The following SH3BGRL2 variants were observed in gnomAD, a reference collection of about 807,000 sequenced individuals.
SH3BGRL2 encodes SH3 domain binding glutamate rich protein like 2.
In SH3BGRL2, 21 loss-of-function variants were observed where a neutral mutation model predicts 14.8. The ratio of observed to expected loss-of-function variants is 1.42; its 90% confidence interval spans 1.01 to 2.05. The LOEUF (loss-of-function observed/expected upper bound fraction) is 2.05. SH3BGRL2 is among the 30% of genes most tolerant of loss of function. The probability of loss-of-function intolerance (pLI) is 0.00; values close to 1 mark genes in which losing one functional copy is unlikely to be tolerated. For missense variants in SH3BGRL2, 147 were observed against 130.8 expected (o/e 1.12, Z -0.61); for synonymous variants, 50 against 47.8 (o/e 1.05, Z -0.19).
In SH3BGRL2 at chr6:79,700,567, G is replaced by A. The variant is rs141433362; in HGVS notation, c.*1058G>A. Reference sequence around the variant, plus strand: ...CTAATTTTGCTTGCTCATATTTCTGGCCAATGTACAGCCTCATATTTTTCA... The same window carrying A: ...CTAATTTTGCTTGCTCATATTTCTGACCAATGTACAGCCTCATATTTTTCA... On this transcript the variant is annotated 3_prime_UTR_variant, in exon 4 of 4. Coordinates refer to ENST00000369838, the MANE Select transcript of SH3BGRL2 (RefSeq NM_031469.4). The A allele has an allele frequency of 6.6e-6, 1 of 151,856 alleles. No homozygotes were observed. The highest frequency in any genetic ancestry group is 1.9e-4 in the East Asian group (1 of 5,172). 9.4% of individuals were successfully genotyped at this position (151,856 alleles called of 1,614,324 possible).
chr6:79,606,443 T>C, the SH3BGRL2 span, among the ~76,000 whole-genome samples: 1 of 152,224 alleles, frequency 6.6e-6, no homozygotes, highest in Non-Finnish European at 1.5e-5. Context: ...TTACATTAAA[T>C]TTCTCGTACT....
At position 79,673,888 on chromosome 6, in the gene SH3BGRL2, CTG is replaced by C. The variant is rs780911904; in HGVS notation, c.231+92_231+93del. The C allele has an allele frequency of 5.2e-6, 7 of 1,334,548 alleles. No individual in the cohort carries two copies. The South Asian group carries it at 6.9e-5, about 13-fold the overall frequency. The allele number at this position is 1,334,548 out of a possible 1,614,324, so 82.7% of individuals were successfully genotyped here. A position where few individuals can be genotyped will look rare whatever the true frequency, so the allele number is the denominator to read the frequency against. ...TGCAGGTGGGTTTTTCCAGTGAAGA[CTG>C]TGACTTCTTCACCCAATGCCCATTC... is the stretch of plus-strand genomic sequence containing the variant. On this transcript the variant is annotated intron_variant, in intron 2 of 3. Transcript: ENST00000369838.
At chr6:79,655,290 A>C (rs1051696972) in intron 1 of SH3BGRL2, among the ~76,000 whole-genome samples, 1 of 152,140 alleles carries the variant, frequency 6.6e-6, no homozygotes, top group African/African-American at 2.4e-5. Flanking sequence ...TGGTTCCCCT[A>C]AACTACTTTT....
intron 1 of SH3BGRL2, among the ~76,000 whole-genome samples, chr6:79,644,539 C>T (rs544914113): frequency 1.1e-4 from 16 of 152,128 alleles, no homozygotes; most frequent in Non-Finnish European, 2.2e-4. Flanking sequence ...ATTGAGAGAG[C>T]CTCATAAGCT....
chr6:79,621,495 C>G, the SH3BGRL2 span, among the ~76,000 whole-genome samples: 1 of 152,192 alleles, frequency 6.6e-6, no homozygotes, highest in African/African-American at 2.4e-5. Context: ...TCTTGGACTT[C>G]CCAGCTTTCA....
At chr6:79,614,884 A>T in the SH3BGRL2 span, among the ~76,000 whole-genome samples, 1 of 152,176 alleles carries the variant, frequency 6.6e-6, no homozygotes, top group East Asian at 1.9e-4. Flanking sequence ...GAGGGCCAAA[A>T]GCCACTTTCT....
chr6:79,670,009 G>A (rs1769741414), intron 1 of SH3BGRL2, among the ~76,000 whole-genome samples: 1 of 152,222 alleles, frequency 6.6e-6, no homozygotes, highest in Admixed American at 6.5e-5. Context: ...TTTAGGCATT[G>A]GGGGATCACA....
chr6:79,583,459 A>G, the SH3BGRL2 span, among the ~76,000 whole-genome samples: 2 of 152,172 alleles, frequency 1.3e-5, no homozygotes, highest in South Asian at 2.1e-4. Flanking sequence ...GCCATAAAAA[A>G]GATGAGTTCA....
intron 2 of SH3BGRL2, among the ~76,000 whole-genome samples, chr6:79,689,509 A>G (rs1193312023): frequency 6.6e-6 from 1 of 152,180 alleles, no homozygotes; most frequent in Non-Finnish European, 1.5e-5. Context: ...GATTATTGAT[A>G]ATGTTACATA....
chr6:79,617,396 T>C, the SH3BGRL2 span, among the ~76,000 whole-genome samples: 1 of 152,182 alleles, frequency 6.6e-6, no homozygotes, highest in African/African-American at 2.4e-5. Context: ...TTTTCTTACA[T>C]AATCATAATA....
intron 1 of SH3BGRL2, among the ~76,000 whole-genome samples, chr6:79,632,562 G>A (rs1205111153): frequency 6.6e-6 from 1 of 152,160 alleles, no homozygotes; most frequent in Non-Finnish European, 1.5e-5. Context: ...TGGGTGGAGT[G>A]GAGGATGGAA....
At chr6:79,689,506 G>T (rs907982568) in intron 2 of SH3BGRL2, among the ~76,000 whole-genome samples, 1 of 152,018 alleles carries the variant, frequency 6.6e-6, no homozygotes, top group Admixed American at 6.6e-5. Flanking sequence ...ATGGATTATT[G>T]ATAATGTTAC....
chr6:79,631,392 G>C lies in SH3BGRL2; in HGVS notation c.-70G>C. The stretch of plus-strand genomic sequence containing the variant: ...AGAGGCTGCCGGCGGCTCGTAGCTG[G>C]GTTCAGCTCTGCGTCCACGCCAGCC... On this transcript the variant is annotated 5_prime_UTR_variant, in exon 1 of 4. Transcript: ENST00000369838. 7.2e-7 allele frequency: 1 copy of C among 1,396,068 alleles called. No homozygotes were observed. The highest frequency in any genetic ancestry group is 9.5e-7 in the Non-Finnish European group (1 of 1,053,044). 86.5% of individuals were successfully genotyped at this position (1,396,068 alleles called of 1,614,324 possible).
the SH3BGRL2 span, among the ~76,000 whole-genome samples, chr6:79,620,960 G>A: frequency 3.8e-3 from 577 of 151,882 alleles, 5 homozygotes; most frequent in Admixed American, 0.011. Flanking sequence ...TTGGGGTTTC[G>A]CTATGTTGGC....
At chr6:79,672,289 T>C (rs1769789628) in intron 1 of SH3BGRL2, among the ~76,000 whole-genome samples, 1 of 152,238 alleles carries the variant, frequency 6.6e-6, no homozygotes, top group Non-Finnish European at 1.5e-5. Flanking sequence ...GCTCCCACTT[T>C]GTTTCCTTAC....
the SH3BGRL2 span, among the ~76,000 whole-genome samples, chr6:79,538,765 T>C: frequency 5.9e-5 from 9 of 152,240 alleles, no homozygotes; most frequent in Non-Finnish European, 1.3e-4. Flanking sequence ...GAGCTGAGAA[T>C]GAAACCACCA....
intron 1 of SH3BGRL2, among the ~76,000 whole-genome samples, chr6:79,652,765 G>C (rs570929028): frequency 6.6e-6 from 1 of 152,130 alleles, no homozygotes; most frequent in South Asian, 2.1e-4. Flanking sequence ...TTTAAAGCAG[G>C]AACTATAATC....
At chr6:79,596,895 A>G in the SH3BGRL2 span, among the ~76,000 whole-genome samples, 28 of 152,298 alleles carry the variant, frequency 1.8e-4, no homozygotes, top group South Asian at 8.3e-4. Flanking sequence ...AAAACTTACT[A>G]CAATGCTGCA....
chr6:79,563,075 C>T, the SH3BGRL2 span, among the ~76,000 whole-genome samples: 1 of 152,138 alleles, frequency 6.6e-6, no homozygotes, highest in Non-Finnish European at 1.5e-5. Flanking sequence ...CCTGCCTCAG[C>T]CTCTCGAGGA....
Sources: gnomAD v4.1 joint callset for allele counts (sites outside exome capture counted in the v4.1 genomes callset) on GRCh38, gnomAD v4.1.1 for gene constraint, MANE v1.5 for transcripts, NCBI Gene and HGNC (gene_info 2026-07-23, HGNC 2026-07-21) for gene names.